The following SYBU variants were observed in gnomAD, a reference collection of about 807,000 sequenced individuals.
SYBU encodes syntabulin.
Under a neutral mutation model 35.9 loss-of-function variants are expected in SYBU, and 21 were observed. The observed-to-expected ratio is 0.58, with a 90% CI of 0.41 to 0.84. SYBU has a LOEUF of 0.84. Among genes scored for constraint, SYBU ranks in the 40% least tolerant of loss-of-function variants. The pLI, the probability that SYBU is intolerant of heterozygous loss-of-function variation, is 0.00. For missense variants in SYBU, 768 were observed against 848.2 expected (o/e 0.91, Z 1.17); for synonymous variants, 319 against 324.3 (o/e 0.98, Z 0.18).
At chr8:109,633,873 A>G (rs561831310) in intron 2 of SYBU, among the ~76,000 whole-genome samples, 1 of 152,174 alleles carries the variant, frequency 6.6e-6, no homozygotes, top group East Asian at 1.9e-4. Context: ...AGCTGGAATT[A>G]CAGGTGTGTG....
chr8:109,618,148 G>T (rs1435729601), intron 3 of SYBU, among the ~76,000 whole-genome samples: 1 of 152,208 alleles, frequency 6.6e-6, no homozygotes, highest in Non-Finnish European at 1.5e-5. Flanking sequence ...ACCTCCCAAT[G>T]ACGATGAACA....
intron 1 of SYBU, among the ~76,000 whole-genome samples, chr8:109,661,516 GT>G (rs940920406): frequency 2.0e-5 from 3 of 152,182 alleles, no homozygotes; most frequent in African/African-American, 7.2e-5. Flanking sequence ...CAGTTTGCAT[GT>G]GCCTGGACCA....
intron 2 of SYBU, among the ~76,000 whole-genome samples, chr8:109,622,225 CATCT>C (rs1554619980): frequency 6.0e-5 from 8 of 133,052 alleles, no homozygotes; most frequent in East Asian, 2.5e-4. Flanking sequence ...ATCTATCTAT[CATCT>C]ATCTATCTAT....
intron 2 of SYBU, among the ~76,000 whole-genome samples, chr8:109,622,469 G>C (rs1420414990): frequency 6.6e-6 from 1 of 152,154 alleles, no homozygotes; most frequent in Non-Finnish European, 1.5e-5. Context: ...CTGGCCTCAA[G>C]TGATCTGCCT....
chr8:109,605,616 T>C (rs2099529939), intron 3 of SYBU, among the ~76,000 whole-genome samples: 2 of 152,204 alleles, frequency 1.3e-5, no homozygotes, highest in South Asian at 4.1e-4. Context: ...CTGCAAAATA[T>C]AATCTGGGTC....
In SYBU at chr8:109,576,015, T is replaced by C. The variant is rs1489044636; in HGVS notation, c.885-2A>G. 1 of 1,326,680 alleles carries C rather than the reference T, an allele frequency of 7.5e-7. No individual in the cohort carries two copies. Among genetic ancestry groups the C allele is most frequent in the Non-Finnish European group, 1.0e-6 (1 of 978,356 alleles). 82.2% of individuals were successfully genotyped at this position (1,326,680 alleles called of 1,614,324 possible). ...TTAAGCTCCACGATTTCACTTTCCC[T>C]AGAGTGCCAAGACAAGCATGGTTAA... On this transcript the variant is annotated splice_acceptor_variant, in intron 6 of 6. Coordinates refer to ENST00000276646, the MANE Select transcript of SYBU (RefSeq NM_001099754.2). LOFTEE classifies it high-confidence loss of function.
rs765238267 is a variant in SYBU at position 109,575,173 on chromosome 8, T to G, written c.1725A>C (p.Arg575Ser). Reference sequence around the variant, plus strand: ...CCACGCAGGCTGCAAAATCCAGCTCTCTCATGAGGCGGTTTGCATGAACTT... The same window carrying G: ...CCACGCAGGCTGCAAAATCCAGCTCGCTCATGAGGCGGTTTGCATGAACTT... ...DAEVHANRLMRELDFAACVEE... is the reference protein window; with the variant it reads ...DAEVHANRLMSELDFAACVEE... Residue 575 changes from arginine to serine, a missense_variant, in exon 7 of 7, where the codon AGA becomes AGC. Arg to Ser is a moderately radical substitution (Grantham distance 110, BLOSUM62 -1). Coordinates refer to ENST00000276646, the MANE Select transcript of SYBU (RefSeq NM_001099754.2). The G allele has an allele frequency of 2.5e-6, 4 of 1,614,204 alleles. No homozygotes were observed. The highest frequency in any genetic ancestry group is 3.4e-6 in the Non-Finnish European group (4 of 1,180,040).
intron 1 of SYBU, among the ~76,000 whole-genome samples, chr8:109,661,998 G>C (rs3134318): frequency 0.089 from 13,522 of 152,118 alleles, 876 homozygotes; most frequent in East Asian, 0.32. Context: ...TCTCACCTGG[G>C]TGCTGTTATC....
chr8:109,619,385 G>A (rs541480371), intron 2 of SYBU, among the ~76,000 whole-genome samples: 15 of 152,014 alleles, frequency 9.9e-5, no homozygotes, highest in African/African-American at 3.1e-4. Flanking sequence ...CACCAGGCCC[G>A]GGTATTTTTT....
upstream of SYBU, chr8:109,648,873 G>C (rs1167260793): frequency 2.0e-5 from 3 of 151,954 alleles, no homozygotes; most frequent in African/African-American, 7.3e-5. Context: ...CTGCATTCTG[G>C]GGCATCGTGA....
At chr8:109,645,222 G>C (rs1283826780), upstream of SYBU, 1 of 456,602 alleles carries the variant, frequency 2.2e-6, no homozygotes, top group Non-Finnish European at 4.4e-6. Flanking sequence ...TTGGCCTCCA[G>C]GTCTTAAGTC....
chr8:109,656,366 A>G (rs1816355960), intron 1 of SYBU, among the ~76,000 whole-genome samples: 1 of 152,248 alleles, frequency 6.6e-6, no homozygotes, highest in Non-Finnish European at 1.5e-5. Flanking sequence ...CACTAATGTC[A>G]GCAGTCCTCT....
At chr8:109,599,992 TCA>T (rs1227689268) in intron 3 of SYBU, among the ~76,000 whole-genome samples, 2 of 152,232 alleles carry the variant, frequency 1.3e-5, no homozygotes, top group Non-Finnish European at 2.9e-5. Flanking sequence ...TCTTCAGGTC[TCA>T]GTTTAGCCTT....
chr8:109,662,550 C>T (rs1421898339), intron 1 of SYBU, among the ~76,000 whole-genome samples: 1 of 152,162 alleles, frequency 6.6e-6, no homozygotes, highest in Non-Finnish European at 1.5e-5. Flanking sequence ...GAATCTCTGA[C>T]ATGGTTCTCT....
chr8:109,609,209 T>C (rs1390403485), intron 3 of SYBU, among the ~76,000 whole-genome samples: 1 of 152,184 alleles, frequency 6.6e-6, no homozygotes, highest in Non-Finnish European at 1.5e-5. Flanking sequence ...TACAGGGCTC[T>C]CTCCTAATTA....
At chr8:109,581,256 A>C (rs1006430092) in intron 4 of SYBU, among the ~76,000 whole-genome samples, 2 of 152,200 alleles carry the variant, frequency 1.3e-5, no homozygotes, top group African/African-American at 4.8e-5. Flanking sequence ...TGAATAAATA[A>C]ACCAGGTGTG....
At position 109,691,315 on chromosome 8, in the gene SYBU, T is replaced by G. The variant is rs1348114878; in HGVS notation, c.-58+18A>C. 5 of 700,688 alleles carry G rather than the reference T, an allele frequency of 7.1e-6. No homozygotes were observed. Among genetic ancestry groups the G allele is most frequent in the Non-Finnish European group, 1.3e-5 (5 of 384,164 alleles). The allele number at this position is 700,688 out of a possible 1,614,324, so 43.4% of individuals were successfully genotyped here. A position where few individuals can be genotyped will look rare whatever the true frequency, so the allele number is the denominator to read the frequency against. ...GCGGGCACTGACAGCAGAGACCGCA[T>G]AGGCGCCCCGGTCTTACCCTTTCTC... On this transcript the variant is annotated intron_variant, in intron 1 of 7. Transcript: ENST00000422135. The surrounding 1 kb of genome is among the most constrained non-coding windows in gnomAD (Gnocchi z 4.7).
intron 1 of SYBU, among the ~76,000 whole-genome samples, chr8:109,653,182 CTA>C (rs915640416): frequency 1.3e-5 from 2 of 151,982 alleles, no homozygotes; most frequent in African/African-American, 4.8e-5. Context: ...TCCTAGGCAT[CTA>C]TTTTATTTTT....
chr8:109,650,316 C>A (rs1227201466), intron 1 of SYBU, among the ~76,000 whole-genome samples: 1 of 152,170 alleles, frequency 6.6e-6, no homozygotes, highest in Non-Finnish European at 1.5e-5. Flanking sequence ...ATATTTTTTG[C>A]TTCCACTTTC....
Sources: gnomAD v4.1 joint callset for allele counts (sites outside exome capture counted in the v4.1 genomes callset) on GRCh38, gnomAD v4.1.1 for gene constraint, Gnocchi (gnomAD v3.1) non-coding constraint, MANE v1.5 for transcripts, NCBI Gene and HGNC (gene_info 2026-07-23, HGNC 2026-07-21) for gene names.